Variants in TAF4B observed in about 807,000 individuals in gnomAD.
TAF4B encodes the protein TATA-box binding protein associated factor 4b.
A neutral mutation model predicts 86.4 loss-of-function variants in TAF4B; 38 were observed. That is an observed-to-expected ratio of 0.44 (90% CI 0.34 to 0.58). TAF4B has a LOEUF of 0.58. Among genes scored for constraint, TAF4B ranks in the 20% least tolerant of loss-of-function variants. The pLI, the probability that TAF4B is intolerant of heterozygous loss-of-function variation, is 0.02. For missense variants in TAF4B, 988 were observed against 1,027.6 expected (o/e 0.96, Z 0.53); for synonymous variants, 388 against 391.2 (o/e 0.99, Z 0.10).
intron 6 of TAF4B, among the ~76,000 whole-genome samples, chr18:26,283,988 A>G (rs1054537689): frequency 8.6e-5 from 13 of 151,600 alleles, no homozygotes; most frequent in Non-Finnish European, 1.5e-5. Flanking sequence ...CAGGAGGCAG[A>G]GGTTGCAGTG....
Position 26,388,000 on chromosome 18 carries a change from A to C in TAF4B, c.2422-1845A>C, listed in dbSNP as rs80045759. ...TCCCCTCCATCAGAACAAGAAACCC[A>C]AAAAGGTGGAAGGAGTAATTAAAAT... On this transcript the variant is annotated intron_variant, in intron 14 of 14. Coordinates refer to ENST00000269142, the MANE Select transcript of TAF4B (RefSeq NM_005640.3). Among the ~76,000 whole-genome samples the C allele has an allele frequency of 9.8e-4, 150 of 152,312 alleles. 1 individual carries two copies. The East Asian group carries it at 0.018, about 18-fold the overall frequency.
chr18:26,308,724 T>C (rs907794632), intron 9 of TAF4B, among the ~76,000 whole-genome samples: 6 of 151,398 alleles, frequency 4.0e-5, no homozygotes, highest in African/African-American at 1.2e-4. Context: ...AATACAAAAT[T>C]AGCTGGGTGT....
chr18:26,313,065 A>T (rs1054898160), intron 9 of TAF4B, among the ~76,000 whole-genome samples: 3 of 152,138 alleles, frequency 2.0e-5, no homozygotes, highest in African/African-American at 7.2e-5. Context: ...TATTATGCCT[A>T]TGTAAGCGTA....
intron 5 of TAF4B, among the ~76,000 whole-genome samples, chr18:26,277,806 A>G (rs1346371084): frequency 6.6e-6 from 1 of 152,218 alleles, no homozygotes; most frequent in East Asian, 1.9e-4. Flanking sequence ...AGTTATGCAG[A>G]TCTTTCAAAT....
intron 13 of TAF4B, among the ~76,000 whole-genome samples, chr18:26,344,112 A>C (rs12960166): frequency 6.6e-6 from 1 of 152,128 alleles, no homozygotes; most frequent in Non-Finnish European, 1.5e-5. Flanking sequence ...AAATTTAGGA[A>C]CTGAAAACGA....
chr18:26,337,319 G>C (rs766456106), intron 13 of TAF4B, among the ~76,000 whole-genome samples: 1 of 152,012 alleles, frequency 6.6e-6, no homozygotes, highest in Non-Finnish European at 1.5e-5. Flanking sequence ...TTAATAACTT[G>C]AGTGTTCTAA....
chr18:26,293,457 A>G lies in TAF4B; in HGVS notation c.1758A>G (p.Gly586=). Residue 586 remains glycine, a synonymous_variant, in exon 9 of 15, where the codon GGA becomes GGG. Transcript: ENST00000269142. ...ASILKQITLP[G]NKILSLQASP... ...TTCTAAAGCAAATTACTCTGCCTGG[A>G]AATAAAATTCTGTCACTTCAAGCAT... is the stretch of plus-strand genomic sequence containing the variant. 1 of 1,597,436 alleles carries G rather than the reference A, an allele frequency of 6.3e-7. No homozygotes were observed. The highest frequency in any genetic ancestry group is 1.2e-5 in the South Asian group (1 of 86,648).
At chr18:26,337,424 C>CTTTTTTTTTTTT (rs551888808) in intron 13 of TAF4B, among the ~76,000 whole-genome samples, 1 of 126,144 alleles carries the variant, frequency 7.9e-6, no homozygotes, top group Non-Finnish European at 1.6e-5. Flanking sequence ...TTCTTTCTTT[C>CTTTTTTTTTTTT]TTTTTTTTTT....
intron 7 of TAF4B, among the ~76,000 whole-genome samples, chr18:26,286,737 G>A (rs1427759989): frequency 1.3e-5 from 2 of 151,940 alleles, no homozygotes; most frequent in Non-Finnish European, 2.9e-5. Context: ...AGGCTGGAGT[G>A]CAGTGGCACG....
chr18:26,333,063 G>C (rs1598806414), intron 12 of TAF4B, among the ~76,000 whole-genome samples: 1 of 151,238 alleles, frequency 6.6e-6, no homozygotes, highest in Non-Finnish European at 1.5e-5. Context: ...TTGTTGTTTA[G>C]ATATCTACTC....
At chr18:26,382,348 A>G (rs989429991) in intron 14 of TAF4B, among the ~76,000 whole-genome samples, 1 of 152,222 alleles carries the variant, frequency 6.6e-6, no homozygotes, top group Non-Finnish European at 1.5e-5. Flanking sequence ...GCTTGGCCAT[A>G]GGAAATAATC....
chr18:26,277,924 AC>A (rs2056402104), intron 5 of TAF4B, among the ~76,000 whole-genome samples: 1 of 152,252 alleles, frequency 6.6e-6, no homozygotes, highest in African/African-American at 2.4e-5. Flanking sequence ...AATAGTTGTT[AC>A]ACATTTTTCA....
intron 2 of TAF4B, chr18:26,266,079 C>G (rs1453647608): frequency 6.6e-6 from 1 of 152,066 alleles, no homozygotes; most frequent in African/African-American, 2.4e-5. Flanking sequence ...TTGACCAGTT[C>G]TGCTTTAATT....
intron 5 of TAF4B, among the ~76,000 whole-genome samples, chr18:26,278,322 A>G (rs1004426349): frequency 5.3e-5 from 8 of 151,862 alleles, no homozygotes; most frequent in African/African-American, 1.7e-4. Flanking sequence ...TTTATTTTTT[A>G]GAGTAAGAGT....
At chr18:26,241,055 T>A (rs2055830949) in intron 1 of TAF4B, among the ~76,000 whole-genome samples, 1 of 152,160 alleles carries the variant, frequency 6.6e-6, no homozygotes, top group Non-Finnish European at 1.5e-5. Context: ...CTTTTTTGGT[T>A]GTGTCTCTGC....
Position 26,267,636 on chromosome 18 carries a change from G to GA in TAF4B, c.597+13_597+14insA. On this transcript the variant is annotated intron_variant, in intron 3 of 14. Transcript: ENST00000269142. ...TTCCTCAGTACAAGTAAGTTGTGCT[G>GA]GCCATTCGTGCACTTGTTGTTCTCT... 1 of 1,561,636 alleles carries GA rather than the reference G, an allele frequency of 6.4e-7. No homozygotes were observed. Among genetic ancestry groups the GA allele is most frequent in the Non-Finnish European group, 8.8e-7 (1 of 1,132,912 alleles).
chr18:26,359,752 G>C (rs2057316080), intron 14 of TAF4B, among the ~76,000 whole-genome samples: 2 of 152,090 alleles, frequency 1.3e-5, no homozygotes, highest in East Asian at 3.9e-4. Flanking sequence ...GATAGGTCTT[G>C]CTCTGTCACC....
intron 6 of TAF4B, among the ~76,000 whole-genome samples, chr18:26,285,115 G>GC (rs1356935185): frequency 6.6e-6 from 1 of 150,628 alleles, no homozygotes; most frequent in African/African-American, 2.4e-5. Context: ...CTACAGGCAT[G>GC]CACCACCATG....
chr18:26,257,681 G>C (rs1386896246), intron 1 of TAF4B, among the ~76,000 whole-genome samples: 1 of 151,960 alleles, frequency 6.6e-6, no homozygotes, highest in Non-Finnish European at 1.5e-5. Context: ...CTTATCCTTT[G>C]TAATTTTTTC....
Sources: allele counts gnomAD v4.1 joint callset (sites outside exome capture counted in the v4.1 genomes callset), GRCh38; gene constraint gnomAD v4.1.1; transcripts MANE v1.5; gene names NCBI Gene and HGNC (gene_info 2026-07-23, HGNC 2026-07-21).